The following TF variants were observed in gnomAD, a reference collection of about 807,000 sequenced individuals.
TF encodes the protein transferrin, also known as serotransferrin.
TF carries 55 observed loss-of-function variants against 82.4 expected under a neutral mutation model. That is an observed-to-expected ratio of 0.67 (90% confidence interval 0.54 to 0.84). The LOEUF (loss-of-function observed/expected upper bound fraction) is 0.84. Among genes scored for constraint, TF ranks in the 40% least tolerant of loss-of-function variants. The pLI is 0.00. For missense variants in TF, 737 were observed against 868.4 expected (o/e 0.85, Z 1.90); for synonymous variants, 332 against 332.6 (o/e 1.00, Z 0.02).
the TF span, among the ~76,000 whole-genome samples, chr3:133,671,741 C>T: frequency 2.5e-3 from 368 of 149,488 alleles, 1 homozygote; most frequent in African/African-American, 8.6e-3. Flanking sequence ...TACAATGAGC[C>T]GCAATCTTGC....
At chr3:133,679,569 C>CTTTTTTT in the TF span, among the ~76,000 whole-genome samples, 74 of 75,384 alleles carry the variant, frequency 9.8e-4, 2 homozygotes, top group Middle Eastern at 0.014. Context: ...CTTTGTTTGG[C>CTTTTTTT]TTTTTTTTTT....
chr3:133,735,564 G>C, the TF span, among the ~76,000 whole-genome samples: 7 of 152,110 alleles, frequency 4.6e-5, no homozygotes, highest in Non-Finnish European at 7.4e-5. Flanking sequence ...TTGAAAAAAG[G>C]TTAGAGGAAT....
chr3:133,736,583 G>A, the TF span, among the ~76,000 whole-genome samples: 1 of 103,984 alleles, frequency 9.6e-6, no homozygotes, highest in South Asian at 4.0e-4. Flanking sequence ...GACACACATA[G>A]GCTCAAAATA....
At chr3:133,775,059 C>T (rs941907712) in intron 14 of TF, 2 of 342,574 alleles carry the variant, frequency 5.8e-6, no homozygotes, top group African/African-American at 4.2e-5. Flanking sequence ...TGTGTTACAG[C>T]ACAGAAATTG....
chr3:133,682,943 C>T, the TF span, among the ~76,000 whole-genome samples: 5 of 152,152 alleles, frequency 3.3e-5, no homozygotes, highest in Non-Finnish European at 7.3e-5. Flanking sequence ...ATGTTGAGGG[C>T]AGCCAGAGAG....
the TF span, among the ~76,000 whole-genome samples, chr3:133,672,459 T>TA: frequency 0.033 from 3,562 of 107,376 alleles, 147 homozygotes; most frequent in African/African-American, 0.11. Context: ...CAAAAAATCC[T>TA]AAAAAAAAAA....
chr3:133,790,027 G>T lies in TF; in HGVS notation c.*11407G>T, dbSNP rs902561267. 4.0e-5 allele frequency: 6 copies of T among 151,846 alleles called. No homozygotes were observed. Among genetic ancestry groups the T allele is most frequent in the Admixed American group, 1.3e-4 (2 of 15,236 alleles). 9.4% of individuals were successfully genotyped at this position (151,846 alleles called of 1,614,324 possible). A position where few individuals can be genotyped will look rare whatever the true frequency, so the allele number is the denominator to read the frequency against. On this transcript the variant is annotated 3_prime_UTR_variant, in exon 17 of 17. Transcript: ENST00000402696. ...TGCACACCTGGCTATTCAAAATGTGGTTAACAGGGAAATAACTGACTTTAA... is the reference window on the plus strand; with the variant it reads ...TGCACACCTGGCTATTCAAAATGTGTTTAACAGGGAAATAACTGACTTTAA...
At chr3:133,696,554 C>T in the TF span, among the ~76,000 whole-genome samples, 2 of 152,144 alleles carry the variant, frequency 1.3e-5, no homozygotes, top group East Asian at 3.8e-4. Context: ...ATTTTATGAA[C>T]ATTTAAACAA....
chr3:133,758,045 C>T, intron 8 of TF, 99 bp downstream of exon 8: 1 of 1,131,588 alleles, frequency 8.8e-7, no homozygotes, highest in East Asian at 2.5e-5. Flanking sequence ...GCACGCCTCT[C>T]CTGATGCTCC....
At position 133,789,493 on chromosome 3, in the gene TF, G is replaced by C. The variant is rs1191299218; in HGVS notation, c.*10873G>C. 1 of 152,172 alleles carries C rather than the reference G, an allele frequency of 6.6e-6. No homozygotes were observed. 9.4% of individuals were successfully genotyped at this position (152,172 alleles called of 1,614,324 possible). ...CTTATTGGGTACACAAAGTAAAATT[G>C]GCAAGCTTGTATTGCTATCTCATGG... On this transcript the variant is annotated 3_prime_UTR_variant, in exon 17 of 17. Coordinates refer to ENST00000402696, the MANE Select transcript of TF (RefSeq NM_001063.4).
chr3:133,709,846 C>A, the TF span, among the ~76,000 whole-genome samples: 2 of 152,202 alleles, frequency 1.3e-5, no homozygotes, highest in Admixed American at 1.3e-4. Flanking sequence ...TCCTTCTCAT[C>A]CTTTTGCTTC....
chr3:133,757,208 G>C (rs537597598), intron 7 of TF, among the ~76,000 whole-genome samples, 199 bp downstream of exon 7: 1 of 152,160 alleles, frequency 6.6e-6, no homozygotes, highest in African/African-American at 2.4e-5. Context: ...ACCGTCTGCC[G>C]CCCTTGCCTT....
the TF span, chr3:133,707,713 C>T: frequency 2.6e-5 from 4 of 152,182 alleles, no homozygotes; most frequent in Admixed American, 2.0e-4. Context: ...GCCGCATTAT[C>T]GTCTAATTCT....
the TF span, among the ~76,000 whole-genome samples, chr3:133,736,631 C>CAAAAAA: frequency 0.014 from 439 of 32,476 alleles, 25 homozygotes; most frequent in South Asian, 0.027. Flanking sequence ...AATGGAAAGC[C>CAAAAAA]AAAAAAAAAA....
In TF at chr3:133,791,949, T is replaced by C. The variant is rs1934849793; in HGVS notation, c.*13329T>C. Reference sequence around the variant, plus strand: ...AATGTAATGCCTTCTATTTACTTCATGTAACTTAAGTAATCTTTGGGAAAT... The same window carrying C: ...AATGTAATGCCTTCTATTTACTTCACGTAACTTAAGTAATCTTTGGGAAAT... On this transcript the variant is annotated 3_prime_UTR_variant, in exon 17 of 17. Coordinates refer to ENST00000402696, the MANE Select transcript of TF (RefSeq NM_001063.4). The C allele has an allele frequency of 6.6e-6, 1 of 152,220 alleles. No homozygotes were observed. The highest frequency in any genetic ancestry group is 1.5e-5 in the Non-Finnish European group (1 of 68,032). The allele number at this position is 152,220 out of a possible 1,614,324, so 9.4% of individuals were successfully genotyped here.
chr3:133,683,685 C>A, the TF span, among the ~76,000 whole-genome samples: 4 of 152,186 alleles, frequency 2.6e-5, no homozygotes, highest in African/African-American at 4.8e-5. Context: ...AATACAGGAG[C>A]ACCCAGATTC....
At chr3:133,729,682 T>G in the TF span, among the ~76,000 whole-genome samples, 2,043 of 152,206 alleles carry the variant, frequency 0.013, 42 homozygotes, top group African/African-American at 0.045. Context: ...GCACCCACTG[T>G]CTGGCACTCC....
At chr3:133,715,479 ATCT>A in the TF span, among the ~76,000 whole-genome samples, 4 of 152,014 alleles carry the variant, frequency 2.6e-5, no homozygotes, top group Middle Eastern at 3.2e-3. Context: ...GCAGCATCAA[ATCT>A]TCTTCTCTAC....
the TF span, among the ~76,000 whole-genome samples, chr3:133,732,587 C>T: frequency 1.3e-5 from 2 of 152,224 alleles, no homozygotes; most frequent in African/African-American, 2.4e-5. Flanking sequence ...CTGCTGCGCA[C>T]TGTTTGGGTC....
Sources: allele counts gnomAD v4.1 joint callset (sites outside exome capture counted in the v4.1 genomes callset), GRCh38; gene constraint gnomAD v4.1.1; transcripts MANE v1.5; gene names NCBI Gene and HGNC (gene_info 2026-07-23, HGNC 2026-07-21).